The following GPAT3 variants were observed in gnomAD, a reference collection of about 807,000 sequenced individuals.
GPAT3 encodes 1-AGP acyltransferase 9.
GPAT3 carries 53 observed loss-of-function variants against 58.8 expected under a neutral mutation model. The ratio of observed to expected loss-of-function variants is 0.90; its 90% CI spans 0.72 to 1.13. The LOEUF (loss-of-function observed/expected upper bound fraction) is 1.13. GPAT3 is among the 50% of genes most tolerant of loss of function. GPAT3 has a pLI of 0.00. For missense variants in GPAT3, 511 were observed against 527.6 expected (o/e 0.97, Z 0.31); for synonymous variants, 197 against 187.4 (o/e 1.05, Z -0.42).
rs1462980198 is a variant in GPAT3, at chr4:83,536,264, G to A, written c.-359G>A. ...CCCAGAGGAAATCAGGCACCGGGCG[G>A]GGCGGGTTCCTGGCTGCGCTCGCGC... On this transcript the variant is annotated 5_prime_UTR_variant, in exon 1 of 12. Transcript: ENST00000264409. 9 of 1,024,248 alleles carry A rather than the reference G, an allele frequency of 8.8e-6. No individual in the cohort carries two copies. Among genetic ancestry groups the A allele is most frequent in the Non-Finnish European group, 1.1e-5 (9 of 855,558 alleles). The allele number at this position is 1,024,248 out of a possible 1,614,324, so 63.4% of individuals were successfully genotyped here.
At position 83,547,341 on chromosome 4, in the gene GPAT3, C is replaced by T. The variant is rs369466646; in HGVS notation, c.208+2739C>T. Among the ~76,000 whole-genome samples the T allele has an allele frequency of 8.9e-3, 1,330 of 150,126 alleles. 28 individuals are homozygous for T. The highest frequency in any genetic ancestry group is 0.03 in the African/African-American group (1,227 of 40,554). On this transcript the variant is annotated intron_variant, in intron 2 of 11. Coordinates refer to ENST00000264409, the MANE Select transcript of GPAT3 (RefSeq NM_032717.5). ...GATCTCGGCTCACTGCAAGCTCCGC[C>T]TCCCAGATTCACGCCATTCTCCTGC...
Position 83,598,196 on chromosome 4 carries a change from A to G in GPAT3, c.1125+17A>G. The G allele has an allele frequency of 6.2e-7, 1 of 1,609,228 alleles. No individual in the cohort carries two copies. Among genetic ancestry groups the G allele is most frequent in the African/African-American group, 1.3e-5 (1 of 74,676 alleles). On this transcript the variant is annotated intron_variant, in intron 10 of 11. Coordinates refer to ENST00000264409, the MANE Select transcript of GPAT3 (RefSeq NM_032717.5). ...ACCAGAGAGGTATTCCTTAGCTAAC[A>G]CTTTATCTAATCAGGTAGAGGCAAG...
intron 2 of GPAT3, among the ~76,000 whole-genome samples, chr4:83,567,331 T>C (rs1289226077): frequency 6.6e-6 from 1 of 152,202 alleles, no homozygotes; most frequent in Non-Finnish European, 1.5e-5. Flanking sequence ...TGATTCTTGT[T>C]TTGTTACTTT....
At chr4:83,547,301 G>A (rs1724562965) in intron 2 of GPAT3, among the ~76,000 whole-genome samples, 1 of 135,006 alleles carries the variant, frequency 7.4e-6, no homozygotes, top group South Asian at 2.3e-4. Context: ...CACCCAGGCT[G>A]GAGTGCAGTG....
chr4:83,574,882 G>GTTT lies in GPAT3; in HGVS notation c.209-6669_209-6667dup, dbSNP rs1317801458. Among the ~76,000 whole-genome samples the GTTT allele has an allele frequency of 3.8e-4, 37 of 96,758 alleles. 1 individual carries two copies. The highest frequency in any genetic ancestry group is 9.9e-4 in the South Asian group (3 of 3,028). The allele number at this position is 96,758 out of a possible 152,430, so 63.5% of individuals were successfully genotyped here. The stretch of plus-strand genomic sequence containing the variant: ...ACATTTCTTTCTTTTTTTTTTTTTT[G>GTTT]TTTTTTTTTTTTTGAGACGGAGTCT... On this transcript the variant is annotated intron_variant, in intron 2 of 11. Transcript: ENST00000264409.
chr4:83,547,505 G>T (rs1724586855), intron 2 of GPAT3, among the ~76,000 whole-genome samples: 1 of 151,938 alleles, frequency 6.6e-6, no homozygotes, highest in South Asian at 2.1e-4. Context: ...GCCCACCTCG[G>T]CCTCCCAAAG....
At position 83,536,442 on chromosome 4, in the gene GPAT3, GA is replaced by G. The variant is rs1257607564; in HGVS notation, c.-180del. ...TGGCAGGGGCGAGGAGGAGCCCAGG[GA>G]GGAAGGAAGGATATTGCCGTAATTC... On this transcript the variant is annotated 5_prime_UTR_variant, in exon 1 of 12. Transcript: ENST00000264409. 32 of 1,409,828 alleles carry G rather than the reference GA, an allele frequency of 2.3e-5. No homozygotes were observed. In the East Asian group the frequency reaches 7.2e-4, roughly 32 times the overall value. The allele number at this position is 1,409,828 out of a possible 1,614,324, so 87.3% of individuals were successfully genotyped here. A position where few individuals can be genotyped will look rare whatever the true frequency, so the allele number is the denominator to read the frequency against.
chr4:83,543,885 C>T lies in GPAT3; in HGVS notation c.142-651C>T, dbSNP rs549115909. On this transcript the variant is annotated intron_variant, in intron 1 of 11. Transcript: ENST00000264409. ...TGAACTCCTGACCTCAAGTGATCCA[C>T]CCTCCTCGGCCTCCCAAAGTGCTGG... 9.2e-5 allele frequency among the ~76,000 whole-genome samples: 14 copies of T among 152,260 alleles called. No individual in the cohort carries two copies. In the South Asian group the frequency reaches 2.9e-3, roughly 32 times the overall value.
intron 3 of GPAT3, 71 bp from the exon 4 acceptor site, chr4:83,587,184 A>G: frequency 8.2e-7 from 1 of 1,217,034 alleles, no homozygotes; most frequent in Non-Finnish European, 1.2e-6. Context: ...CAATTTTATT[A>G]TTTAGGAACT....
intron 6 of GPAT3, among the ~76,000 whole-genome samples, chr4:83,594,614 A>T (rs1354115429): frequency 1.3e-5 from 2 of 152,164 alleles, no homozygotes; most frequent in African/African-American, 4.8e-5. Context: ...CTACTTTTTG[A>T]AGTTAGAGGA....
At chr4:83,577,849 T>C (rs1725876545) in intron 2 of GPAT3, among the ~76,000 whole-genome samples, 1 of 134,192 alleles carries the variant, frequency 7.5e-6, no homozygotes, top group Admixed American at 9.0e-5. Flanking sequence ...CAGGCTGGAG[T>C]AGTGTAGTGG....
At chr4:83,545,361 A>T (rs1724468688) in intron 2 of GPAT3, among the ~76,000 whole-genome samples, 1 of 151,932 alleles carries the variant, frequency 6.6e-6, no homozygotes, top group South Asian at 2.1e-4. Context: ...TGGGAGGATC[A>T]CTTGAACCCT....
chr4:83,585,216 C>G (rs1438483223), intron 3 of GPAT3, among the ~76,000 whole-genome samples: 1 of 151,812 alleles, frequency 6.6e-6, no homozygotes, highest in Non-Finnish European at 1.5e-5. Flanking sequence ...CCTTATTTAT[C>G]AAGGTATTTA....
At chr4:83,564,872 A>G (rs1459487805) in intron 2 of GPAT3, among the ~76,000 whole-genome samples, 1 of 150,892 alleles carries the variant, frequency 6.6e-6, no homozygotes, top group Non-Finnish European at 1.5e-5. Flanking sequence ...TGGATTTAGT[A>G]GAAACATTTT....
chr4:83,553,626 C>A (rs1240483629), intron 2 of GPAT3, among the ~76,000 whole-genome samples: 1 of 152,040 alleles, frequency 6.6e-6, no homozygotes, highest in Non-Finnish European at 1.5e-5. Context: ...AGGCCGGGCA[C>A]GGTGGCTCAT....
At chr4:83,535,818 C>T (rs1288423381), upstream of GPAT3, 2 of 985,362 alleles carry the variant, frequency 2.0e-6, no homozygotes, top group Non-Finnish European at 2.4e-6. Context: ...GAAGCCCTTT[C>T]CAAGAGTTCG....
At chr4:83,603,372 G>A (rs1336624208) in intron 11 of GPAT3, among the ~76,000 whole-genome samples, 1 of 152,226 alleles carries the variant, frequency 6.6e-6, no homozygotes, top group African/African-American at 2.4e-5. Context: ...GGCTCTGAAT[G>A]AAGGAATGCT....
At chr4:83,588,735 G>T (rs969170957) in intron 5 of GPAT3, among the ~76,000 whole-genome samples, 1 of 152,288 alleles carries the variant, frequency 6.6e-6, no homozygotes, top group Admixed American at 6.5e-5. Context: ...GTGGAAATAG[G>T]ACTAGACGTG....
intron 2 of GPAT3, among the ~76,000 whole-genome samples, chr4:83,562,157 T>A (rs1201797553): frequency 7.9e-6 from 1 of 125,982 alleles, no homozygotes; most frequent in African/African-American, 3.4e-5. Flanking sequence ...ACCCAATAAC[T>A]GATTTCTAGT....
Sources: gnomAD v4.1 joint callset for allele counts (sites outside exome capture counted in the v4.1 genomes callset) on GRCh38, gnomAD v4.1.1 for gene constraint, MANE v1.5 for transcripts, NCBI Gene and HGNC (gene_info 2026-07-23, HGNC 2026-07-21) for gene names.